The following PEAK1 variants were observed in gnomAD, a reference collection of about 807,000 sequenced individuals.
PEAK1 encodes the protein inactive tyrosine-protein kinase PEAK1.
Under a neutral mutation model 124.7 loss-of-function variants are expected in PEAK1, and 54 were observed. The ratio of observed to expected loss-of-function variants is 0.43; its 90% CI spans 0.35 to 0.54. The LOEUF (loss-of-function observed/expected upper bound fraction) is 0.54. Among genes scored for constraint, PEAK1 ranks in the 20% least tolerant of loss-of-function variants. The pLI is 0.01. For missense variants in PEAK1, 2,046 were observed against 2,134.5 expected, an observed-to-expected ratio of 0.96 and a Z score of 0.82; for synonymous variants, 719 against 760.0, an observed-to-expected ratio of 0.95 and a Z score of 0.89.
At chr15:77,379,920 C>A (rs1166897074) in intron 1 of PEAK1, among the ~76,000 whole-genome samples, 1 of 152,172 alleles carries the variant, frequency 6.6e-6, no homozygotes, top group Admixed American at 6.5e-5. Context: ...ATAACTACTC[C>A]AAACCTACCC....
chr15:77,238,530 A>G (rs1229649014), intron 6 of PEAK1, among the ~76,000 whole-genome samples: 1 of 151,996 alleles, frequency 6.6e-6, no homozygotes, highest in Non-Finnish European at 1.5e-5. Flanking sequence ...TCTTCCATTT[A>G]TATAGTTTGG....
chr15:77,303,656 A>C (rs1281914600), intron 2 of PEAK1, among the ~76,000 whole-genome samples: 1 of 152,166 alleles, frequency 6.6e-6, no homozygotes, highest in African/African-American at 2.4e-5. Flanking sequence ...AGTGTTATAT[A>C]AGTGTTTTAC....
chr15:77,365,549 C>G (rs367641643), intron 1 of PEAK1, among the ~76,000 whole-genome samples: 7 of 152,084 alleles, frequency 4.6e-5, no homozygotes, highest in African/African-American at 1.4e-4. Flanking sequence ...AGCAACCTGG[C>G]CAATGTGGCG....
intron 1 of PEAK1, among the ~76,000 whole-genome samples, chr15:77,381,038 C>A (rs1351318086): frequency 1.3e-5 from 2 of 152,194 alleles, no homozygotes; most frequent in Non-Finnish European, 2.9e-5. Flanking sequence ...CTTGGCTCCC[C>A]AGCACTTCCC....
chr15:77,240,588 C>T (rs1369947929), intron 6 of PEAK1, among the ~76,000 whole-genome samples: 1 of 151,228 alleles, frequency 6.6e-6, no homozygotes, highest in Non-Finnish European at 1.5e-5. Context: ...AGAGTGAGAC[C>T]CTGTCTCAAA....
intron 6 of PEAK1, chr15:77,204,783 A>G (rs1317032128): frequency 6.4e-6 from 1 of 155,998 alleles, no homozygotes; most frequent in African/African-American, 2.4e-5. Flanking sequence ...GAGCACCTGT[A>G]ATCCCAGCTA....
rs149497694 is a variant in PEAK1 at position 77,190,581 on chromosome 15, T to G, written c.-114-8541A>C. Reference sequence around the variant, plus strand: ...ATTAACTAAGCACAGCAATATAATTTCCAGGACTACAAATACCTTTCTGTT... The same window carrying G: ...ATTAACTAAGCACAGCAATATAATTGCCAGGACTACAAATACCTTTCTGTT... On this transcript the variant is annotated intron_variant, in intron 6 of 9. Coordinates refer to ENST00000682557, the MANE Select transcript of PEAK1 (RefSeq NM_001385026.1). Among the ~76,000 whole-genome samples the G allele has an allele frequency of 2.5e-3, 377 of 152,318 alleles. 2 individuals carry two copies. Among genetic ancestry groups the G allele is most frequent in the African/African-American group, 8.3e-3 (344 of 41,546 alleles).
chr15:77,133,321 A>G lies in PEAK1; in HGVS notation c.3761T>C (p.Leu1254Pro). 1 of 1,614,200 alleles carries G rather than the reference A, an allele frequency of 6.2e-7. No homozygotes were observed. The highest frequency in any genetic ancestry group is 8.5e-7 in the Non-Finnish European group (1 of 1,180,030). The change falls in exon 9 of 10, where the codon CTC becomes CCC. Residue 1254 changes from leucine (L) to proline (P), a missense_variant. By Grantham distance (98) the Leu-to-Pro change is moderately conservative. Transcript: ENST00000682557. The surrounding 1 kb of genome is among the most constrained non-coding windows in gnomAD (Gnocchi z 4.2). ...KDRFSNSMESLSSRRGPSCRQ... is the reference protein window; with the variant it reads ...KDRFSNSMESPSSRRGPSCRQ... ...GCAAGAGGGCCCACGCCGGCTGGAG[A>G]GGGATTCCATGCTGTTGGAAAATCT...
chr15:77,315,402 T>C (rs2153008507), intron 2 of PEAK1, among the ~76,000 whole-genome samples: 1 of 152,306 alleles, frequency 6.6e-6, no homozygotes, highest in South Asian at 2.1e-4. Context: ...TTTTATTCTT[T>C]AAAAGATTCA....
At position 77,133,471 on chromosome 15, in the gene PEAK1, C is replaced by G; in HGVS notation, c.3611G>C (p.Ser1204Thr). Reference sequence around the variant, plus strand: ...AATGTCCAGTCCTTTGAGTTCATAGCTGATGGAAGAACCAGCACTGCTGGC... The same window carrying G: ...AATGTCCAGTCCTTTGAGTTCATAGGTGATGGAAGAACCAGCACTGCTGGC... ...WDASSAGSSI[S>T]YELKGLDIES... Residue 1204 changes from serine to threonine, a missense_variant, in exon 9 of 10, where the codon AGC (serine) becomes ACC (threonine). Coordinates refer to ENST00000682557, the MANE Select transcript of PEAK1 (RefSeq NM_001385026.1). The surrounding 1 kb of genome is among the most constrained non-coding windows in gnomAD (Gnocchi z 4.2). The G allele has an allele frequency of 6.2e-7, 1 of 1,614,226 alleles. No individual in the cohort carries two copies. Among genetic ancestry groups the G allele is most frequent in the Non-Finnish European group, 8.5e-7 (1 of 1,180,046 alleles).
At chr15:77,162,111 TATAAACAAC>T (rs2055701656) in intron 7 of PEAK1, among the ~76,000 whole-genome samples, 1 of 151,598 alleles carries the variant, frequency 6.6e-6, no homozygotes, top group Admixed American at 6.6e-5. Context: ...AGTCACTAAA[TATAAACAAC>T]ATAAACAGAC....
Position 77,114,628 on chromosome 15 carries a change from C to T in PEAK1, c.4769G>A (p.Cys1590Tyr), listed in dbSNP as rs769379145. Reference protein sequence around the residue: ...EIITATQYKKCDEFQTGILIY... With the variant: ...EIITATQYKKYDEFQTGILIY... ...GAGGATGCCTGTCTGGAACTCATCA[C>T]ACTTTTTATACTGGGTAGCTGTTAT... The change falls in exon 10 of 10, where the codon TGT (cysteine) becomes TAT (tyrosine). Residue 1590 changes from cysteine (C) to tyrosine (Y), a missense_variant. Transcript: ENST00000682557. The T allele has an allele frequency of 2.5e-6, 4 of 1,613,852 alleles. No individual in the cohort carries two copies. The African/African-American group carries it at 5.3e-5, about 22-fold the overall frequency.
chr15:77,297,379 C>T (rs2063538095), intron 2 of PEAK1, among the ~76,000 whole-genome samples: 1 of 151,736 alleles, frequency 6.6e-6, no homozygotes, highest in Non-Finnish European at 1.5e-5. Context: ...AAAGTATACG[C>T]TATTAACACC....
Position 77,224,484 on chromosome 15 carries a change from G to A in PEAK1, c.-115+27883C>T, listed in dbSNP as rs143584190. On this transcript the variant is annotated intron_variant, in intron 6 of 9. Coordinates refer to ENST00000682557, the MANE Select transcript of PEAK1 (RefSeq NM_001385026.1). ...CTTAGAAGAGGGCTGATTTGTCTCT[G>A]ACTTATCAGATGGTTAAAGTCTGCC... 4.2e-3 allele frequency among the ~76,000 whole-genome samples: 637 copies of A among 152,104 alleles called. 3 individuals carry two copies. The highest frequency in any genetic ancestry group is 0.014 in the African/African-American group (596 of 41,532).
At chr15:77,243,511 A>T (rs1457757608) in intron 6 of PEAK1, among the ~76,000 whole-genome samples, 1 of 152,232 alleles carries the variant, frequency 6.6e-6, no homozygotes, top group African/African-American at 2.4e-5. Flanking sequence ...GTAGGATTTG[A>T]ACAGTAGGTG....
chr15:77,376,453 C>T (rs976603710), intron 1 of PEAK1, among the ~76,000 whole-genome samples: 2 of 152,120 alleles, frequency 1.3e-5, no homozygotes, highest in Non-Finnish European at 2.9e-5. Flanking sequence ...AATATACCTA[C>T]CCTAGCAGAA....
intron 1 of PEAK1, among the ~76,000 whole-genome samples, 154 bp downstream of exon 1, chr15:77,419,852 G>A (rs1427562326): frequency 6.7e-6 from 1 of 148,800 alleles, no homozygotes; most frequent in Non-Finnish European, 1.5e-5. Context: ...CCCGGCGGCG[G>A]CGCCACCCAG....
intron 2 of PEAK1, chr15:77,353,035 A>G: frequency 2.0e-6 from 2 of 984,132 alleles, no homozygotes; most frequent in Non-Finnish European, 1.2e-6. Flanking sequence ...ATAGCAAAGA[A>G]AACCATGAAC....
At chr15:77,185,018 G>C (rs1463824315) in intron 6 of PEAK1, among the ~76,000 whole-genome samples, 1 of 152,212 alleles carries the variant, frequency 6.6e-6, no homozygotes, top group Non-Finnish European at 1.5e-5. Flanking sequence ...CAGGACAGGA[G>C]GCTTAAAAGA....
Sources: allele counts gnomAD v4.1 joint callset (sites outside exome capture counted in the v4.1 genomes callset), GRCh38; gene constraint gnomAD v4.1.1; non-coding constraint Gnocchi (gnomAD v3.1); transcripts MANE v1.5; gene names NCBI Gene and HGNC (gene_info 2026-07-23, HGNC 2026-07-21).